GABRR2: variants seen among roughly 807,000 people sequenced by gnomAD.
GABRR2 encodes gamma-aminobutyric acid receptor subunit rho-2.
In GABRR2, 36 loss-of-function variants were observed where a neutral mutation model predicts 47.0. The ratio of observed to expected loss-of-function variants is 0.77; its 90% CI spans 0.59 to 1.01. The LOEUF is 1.01. Among genes scored for constraint, GABRR2 ranks in the 50% least tolerant of loss-of-function variants. The probability of loss-of-function intolerance (pLI) is 0.00; values close to 1 mark genes in which losing one functional copy is unlikely to be tolerated. For missense variants in GABRR2, 587 were observed against 594.6 expected (o/e 0.99, Z 0.13); for synonymous variants, 204 against 227.5 (o/e 0.90, Z 0.93).
At chr6:89,309,237 C>T (rs1322350672) in intron 1 of GABRR2, among the ~76,000 whole-genome samples, 1 of 152,184 alleles carries the variant, frequency 6.6e-6, no homozygotes, top group Non-Finnish European at 1.5e-5. Context: ...CCTGCTGCTG[C>T]CTTCCACATT....
chr6:89,275,522 C>T (rs897704387), intron 2 of GABRR2, among the ~76,000 whole-genome samples: 1 of 152,186 alleles, frequency 6.6e-6, no homozygotes, highest in African/African-American at 2.4e-5. Context: ...GATCCGCCCG[C>T]CTCAGCCTCC....
chr6:89,256,722 G>C lies in GABRR2; in HGVS notation c.*948C>G, dbSNP rs949641458. On this transcript the variant is annotated 3_prime_UTR_variant, in exon 9 of 9. Transcript: ENST00000402938. ...TGTGGGCAATCAGCTATAAATCCAT[G>C]ACCGACCCCAATAAAAAAACTGTAC... is the stretch of plus-strand genomic sequence containing the variant. 6.6e-6 allele frequency among the ~76,000 whole-genome samples: 1 copy of C among 152,152 alleles called. No individual in the cohort carries two copies. Among genetic ancestry groups the C allele is most frequent in the Non-Finnish European group, 1.5e-5 (1 of 68,038 alleles).
At chr6:89,311,397 GT>G (rs1384322074) in intron 1 of GABRR2, among the ~76,000 whole-genome samples, 1 of 152,134 alleles carries the variant, frequency 6.6e-6, no homozygotes, top group Non-Finnish European at 1.5e-5. Flanking sequence ...AGGGCCCAGA[GT>G]TTTTTTAAGA....
At position 89,255,301 on chromosome 6, in the gene GABRR2, G is replaced by C. The variant is rs1327628603; in HGVS notation, c.*2369C>G. Among the ~76,000 whole-genome samples the C allele has an allele frequency of 6.6e-6, 1 of 152,132 alleles. No homozygotes were observed. Among genetic ancestry groups the C allele is most frequent in the African/African-American group, 2.4e-5 (1 of 41,428 alleles). The stretch of plus-strand genomic sequence containing the variant: ...AAAAATACAAAAGTTAGCCAGGCAT[G>C]GTGGCGCATGCCTGTAATCCCAGCT... On this transcript the variant is annotated 3_prime_UTR_variant, in exon 9 of 9. Coordinates refer to ENST00000402938, the MANE Select transcript of GABRR2 (RefSeq NM_002043.5).
intron 6 of GABRR2, among the ~76,000 whole-genome samples, chr6:89,266,471 T>G (rs1773898128): frequency 6.6e-6 from 1 of 152,202 alleles, no homozygotes. Flanking sequence ...ACCTTTATTG[T>G]GAGACCCTAA....
intron 2 of GABRR2, among the ~76,000 whole-genome samples, chr6:89,295,879 T>C (rs937133000): frequency 6.6e-6 from 1 of 152,198 alleles, no homozygotes; most frequent in South Asian, 2.1e-4. Flanking sequence ...ATTTATTAAA[T>C]AGGGAATCGT....
rs148860869 is a variant in GABRR2 at position 89,303,183 on chromosome 6, G to A, written c.114-3318C>T. On this transcript the variant is annotated intron_variant, in intron 1 of 8. Coordinates refer to ENST00000402938, the MANE Select transcript of GABRR2 (RefSeq NM_002043.5). ...AGGCCAGCAGTGTCTGACCTCCAGA[G>A]CCATCTTGCTGTCGACACTGTCCCC... 5.1e-3 allele frequency: 1,992 copies of A among 393,916 alleles called. 8 individuals carry two copies. Among genetic ancestry groups the A allele is most frequent in the Non-Finnish European group, 7.7e-3 (1,514 of 197,430 alleles). The allele number at this position is 393,916 out of a possible 1,614,324, so 24.4% of individuals were successfully genotyped here. A position where few individuals can be genotyped will look rare whatever the true frequency, so the allele number is the denominator to read the frequency against.
intron 1 of GABRR2, among the ~76,000 whole-genome samples, chr6:89,310,174 T>TA (rs1031803015): frequency 1.3e-5 from 2 of 151,216 alleles, no homozygotes; most frequent in African/African-American, 2.4e-5. Context: ...CTGTTCCACC[T>TA]AAAAAAAAAT....
intron 1 of GABRR2, among the ~76,000 whole-genome samples, chr6:89,306,842 GAAGGAAA>G (rs138907502): frequency 0.024 from 3,728 of 152,236 alleles, 122 homozygotes; most frequent in African/African-American, 0.08. Flanking sequence ...AAGATGGAAA[GAAGGAAA>G]AAGGAAAAAG....
At chr6:89,313,852 G>A (rs1395328122) in intron 1 of GABRR2, among the ~76,000 whole-genome samples, 1 of 152,154 alleles carries the variant, frequency 6.6e-6, no homozygotes, top group Non-Finnish European at 1.5e-5. Flanking sequence ...GGGAGGTGGA[G>A]GTTGCAGTGA....
intron 8 of GABRR2, among the ~76,000 whole-genome samples, chr6:89,258,855 T>A (rs1351647195): frequency 6.8e-6 from 1 of 147,902 alleles, no homozygotes. Flanking sequence ...CACCAACAGA[T>A]ACATGCTTAT....
In GABRR2 at chr6:89,261,647, AC is replaced by A. The variant is rs577973753; in HGVS notation, c.1086+2764del. On this transcript the variant is annotated intron_variant, in intron 8 of 8. Transcript: ENST00000402938. ...TTCTAGGGCCAGGGTGAAGTCACAC[AC>A]CCCTGCGCTTAAAGAATACACTGTG... 2.1e-3 allele frequency among the ~76,000 whole-genome samples: 322 copies of A among 152,252 alleles called. 2 individuals carry two copies. The highest frequency in any genetic ancestry group is 7.4e-3 in the African/African-American group (308 of 41,520).
At position 89,256,196 on chromosome 6, in the gene GABRR2, C is replaced by T. The variant is rs1404036267; in HGVS notation, c.*1474G>A. On this transcript the variant is annotated 3_prime_UTR_variant, in exon 9 of 9. Coordinates refer to ENST00000402938, the MANE Select transcript of GABRR2 (RefSeq NM_002043.5). ...TTCTTCTTCTTAAAATCCTGACCTT[C>T]AAGGGGCATCTCAGGGCTGCTTTCT... Among the ~76,000 whole-genome samples, 1 of 150,858 alleles carries T rather than the reference C, an allele frequency of 6.6e-6. No individual in the cohort carries two copies. The highest frequency in any genetic ancestry group is 1.5e-5 in the Non-Finnish European group (1 of 67,822).
chr6:89,268,278 G>A (rs1562356956), intron 4 of GABRR2, among the ~76,000 whole-genome samples, 182 bp from the exon 5 acceptor site: 1 of 152,258 alleles, frequency 6.6e-6, no homozygotes, highest in Non-Finnish European at 1.5e-5. Flanking sequence ...CTGTAGTAGA[G>A]TATTAGTGCT....
intron 1 of GABRR2, among the ~76,000 whole-genome samples, chr6:89,307,420 G>A (rs900554471): frequency 6.6e-6 from 1 of 152,154 alleles, no homozygotes; most frequent in Non-Finnish European, 1.5e-5. Flanking sequence ...TAATCACCTG[G>A]GGAGATATTA....
chr6:89,307,628 A>T (rs892397535), intron 1 of GABRR2, among the ~76,000 whole-genome samples: 5 of 152,188 alleles, frequency 3.3e-5, no homozygotes, highest in Admixed American at 1.3e-4. Flanking sequence ...GGTGCTGACA[A>T]CTTAGTAGTA....
At position 89,311,803 on chromosome 6, in the gene GABRR2, C is replaced by G. The variant is rs114281818; in HGVS notation, c.113+3250G>C. On this transcript the variant is annotated intron_variant, in intron 1 of 8. Transcript: ENST00000402938. ...CCCATGGGGAAGGGCTCACCACCCC[C>G]CTTTTCAGCTGGAGAAACGGAGGTT... Among the ~76,000 whole-genome samples the G allele has an allele frequency of 9.5e-3, 1,445 of 152,312 alleles. 22 individuals are homozygous for G. The highest frequency in any genetic ancestry group is 0.029 in the African/African-American group (1,211 of 41,562).
intron 2 of GABRR2, among the ~76,000 whole-genome samples, chr6:89,279,557 A>T (rs183637295): frequency 4.8e-4 from 73 of 151,974 alleles, no homozygotes; most frequent in Admixed American, 4.6e-4. Flanking sequence ...CCCAGGTAGG[A>T]GTGCAGTGGC....
chr6:89,278,388 T>G (rs1490564670), intron 2 of GABRR2, among the ~76,000 whole-genome samples: 1 of 152,262 alleles, frequency 6.6e-6, no homozygotes, highest in Non-Finnish European at 1.5e-5. Context: ...GCTATTTCAC[T>G]GTACACTTGT....
Sources: gnomAD v4.1 joint callset for allele counts (sites outside exome capture counted in the v4.1 genomes callset) on GRCh38, gnomAD v4.1.1 for gene constraint, MANE v1.5 for transcripts, NCBI Gene and HGNC (gene_info 2026-07-23, HGNC 2026-07-21) for gene names.